Variants in TTC27 observed in about 807,000 individuals in gnomAD.
The protein encoded by TTC27 is tetratricopeptide repeat protein 27.
In TTC27, 79 loss-of-function variants were observed where a neutral mutation model predicts 115.9. The ratio of observed to expected loss-of-function variants is 0.68; its 90% CI spans 0.57 to 0.82. TTC27 has a LOEUF of 0.82. Ranked by LOEUF, TTC27 falls within the 40% of genes least tolerant of loss-of-function variation. The pLI, the probability that TTC27 is intolerant of heterozygous loss-of-function variation, is 0.00. For missense variants in TTC27, 1,054 were observed against 993.1 expected (o/e 1.06, Z -0.82); for synonymous variants, 401 against 356.0 (o/e 1.13, Z -1.42).
chr2:32,719,062 C>G lies in TTC27; in HGVS notation c.1234-14766C>G, dbSNP rs1273106764. Reference sequence around the variant, plus strand: ...CAGGATCAAGATCCCAAGTGAAGAACCACAAACAGAGGATAGAGACCCAGT... The same window carrying G: ...CAGGATCAAGATCCCAAGTGAAGAAGCACAAACAGAGGATAGAGACCCAGT... On this transcript the variant is annotated intron_variant, in intron 10 of 19. Coordinates refer to ENST00000317907, the MANE Select transcript of TTC27 (RefSeq NM_017735.5). Among the ~76,000 whole-genome samples, 4 of 152,262 alleles carry G rather than the reference C, an allele frequency of 2.6e-5. No homozygotes were observed. The East Asian group carries it at 7.7e-4, about 29-fold the overall frequency.
chr2:32,803,985 C>T (rs190585866), intron 16 of TTC27, among the ~76,000 whole-genome samples: 9 of 144,108 alleles, frequency 6.2e-5, no homozygotes, highest in African/African-American at 1.3e-4. Flanking sequence ...CCAGCCTGGG[C>T]GACAGAGCGA....
At chr2:32,700,059 G>T (rs1667131865) in intron 9 of TTC27, among the ~76,000 whole-genome samples, 1 of 152,212 alleles carries the variant, frequency 6.6e-6, no homozygotes, top group South Asian at 2.1e-4. Context: ...AATGATCAGT[G>T]TGGTTGGAAG....
rs199611732 is a variant in TTC27 at position 32,745,568 on chromosome 2, TG to T, written c.1452+8756del. ...AAAAAAGCAACTGTGATGTCCACTG[TG>T]GGGTGGGAGTTTAATGACCTAAATC... is the stretch of plus-strand genomic sequence containing the variant. On this transcript the variant is annotated intron_variant, in intron 12 of 19. Transcript: ENST00000317907. 9.2e-3 allele frequency among the ~76,000 whole-genome samples: 1,396 copies of T among 152,032 alleles called. 12 individuals carry two copies. Among genetic ancestry groups the T allele is most frequent in the Middle Eastern group, 0.024 (7 of 292 alleles).
intron 13 of TTC27, among the ~76,000 whole-genome samples, chr2:32,759,898 T>C (rs1406409870): frequency 6.6e-6 from 1 of 152,236 alleles, no homozygotes; most frequent in Admixed American, 6.5e-5. Context: ...TGAAGGTTCC[T>C]TCATGTTGTA....
chr2:32,793,254 T>C (rs1670595141), intron 16 of TTC27, among the ~76,000 whole-genome samples: 1 of 152,032 alleles, frequency 6.6e-6, no homozygotes, highest in African/African-American at 2.4e-5. Flanking sequence ...ATATTCAAAG[T>C]GCTAAAAGAA....
At chr2:32,679,286 T>A (rs765209403) in intron 9 of TTC27, among the ~76,000 whole-genome samples, 2 of 152,068 alleles carry the variant, frequency 1.3e-5, no homozygotes, top group African/African-American at 4.8e-5. Context: ...CAATTAGGAG[T>A]GCATTGGTTA....
chr2:32,640,993 A>G (rs940590160), intron 4 of TTC27, among the ~76,000 whole-genome samples: 4 of 152,074 alleles, frequency 2.6e-5, no homozygotes, highest in African/African-American at 9.7e-5. Context: ...AAAACAAAAC[A>G]AAACAACAAC....
intron 9 of TTC27, among the ~76,000 whole-genome samples, chr2:32,683,767 C>T (rs868449968): frequency 2.2e-4 from 34 of 152,182 alleles, no homozygotes; most frequent in African/African-American, 3.9e-4. Flanking sequence ...AGATGAGCCA[C>T]GTCATGACAT....
intron 10 of TTC27, among the ~76,000 whole-genome samples, chr2:32,712,511 G>A (rs1667613124): frequency 2.0e-5 from 3 of 151,776 alleles, no homozygotes; most frequent in Non-Finnish European, 1.5e-5. Flanking sequence ...GTTCTCTATC[G>A]TCATTCTGCC....
At chr2:32,694,018 C>T (rs959258965) in intron 9 of TTC27, among the ~76,000 whole-genome samples, 3 of 152,104 alleles carry the variant, frequency 2.0e-5, no homozygotes, top group Admixed American at 6.6e-5. Context: ...TGGTTAGAAC[C>T]ACCGTTGTAG....
chr2:32,745,569 G>T (rs1389704304), intron 12 of TTC27, among the ~76,000 whole-genome samples: 1 of 149,334 alleles, frequency 6.7e-6, no homozygotes, highest in Non-Finnish European at 1.5e-5. Flanking sequence ...TGTCCACTGT[G>T]GGGTGGGAGT....
At chr2:32,811,995 C>A (rs879317628) in intron 17 of TTC27, among the ~76,000 whole-genome samples, 9 of 152,132 alleles carry the variant, frequency 5.9e-5, no homozygotes, top group Non-Finnish European at 8.8e-5. Flanking sequence ...ACATGCACAC[C>A]CTACTTTCAT....
At chr2:32,790,276 T>TG (rs1670490805) in intron 16 of TTC27, among the ~76,000 whole-genome samples, 1 of 152,042 alleles carries the variant, frequency 6.6e-6, no homozygotes, top group African/African-American at 2.4e-5. Flanking sequence ...TTAAATTTTT[T>TG]TTTTGTGTGT....
chr2:32,786,854 C>G, intron 15 of TTC27, 130 bp from the exon 16 acceptor site: 1 of 821,808 alleles, frequency 1.2e-6, no homozygotes, highest in Non-Finnish European at 1.8e-6. Flanking sequence ...GTCTGGGTCT[C>G]TAATTCTGTT....
intron 12 of TTC27, among the ~76,000 whole-genome samples, chr2:32,742,044 T>A (rs1192047987): frequency 6.6e-6 from 1 of 152,272 alleles, no homozygotes; most frequent in Non-Finnish European, 1.5e-5. Context: ...TTATATGTAC[T>A]GCATTCTTTA....
chr2:32,805,909 C>T (rs1044828439), intron 16 of TTC27, among the ~76,000 whole-genome samples: 1 of 152,206 alleles, frequency 6.6e-6, no homozygotes, highest in Admixed American at 6.5e-5. Flanking sequence ...TGTTCATGAC[C>T]TACTTCAGCA....
At chr2:32,809,679 G>C (rs1671250916) in intron 16 of TTC27, among the ~76,000 whole-genome samples, 1 of 152,184 alleles carries the variant, frequency 6.6e-6, no homozygotes, top group East Asian at 1.9e-4. Context: ...TGTGTTTTCT[G>C]TGCCTTCAGA....
chr2:32,636,375 G>A (rs368995089), intron 3 of TTC27, among the ~76,000 whole-genome samples: 10 of 152,134 alleles, frequency 6.6e-5, no homozygotes, highest in East Asian at 3.9e-4. Context: ...CACCACGCCC[G>A]GCTAATTTTT....
chr2:32,749,586 C>G (rs1353485497), intron 12 of TTC27, among the ~76,000 whole-genome samples: 2 of 152,084 alleles, frequency 1.3e-5, no homozygotes, highest in Non-Finnish European at 2.9e-5. Flanking sequence ...CACTTTTGGC[C>G]AGTTTTCTGG....
Sources: allele counts gnomAD v4.1 joint callset (sites outside exome capture counted in the v4.1 genomes callset), GRCh38; gene constraint gnomAD v4.1.1; transcripts MANE v1.5; gene names NCBI Gene and HGNC (gene_info 2026-07-23, HGNC 2026-07-21).